SH3GL2: variants seen among roughly 807,000 people sequenced by gnomAD.
SH3GL2 encodes SH3 domain containing GRB2 like 2, endophilin A1.
Under a neutral mutation model 46.0 loss-of-function variants are expected in SH3GL2, and 24 were observed. The observed-to-expected ratio is 0.52, with a 90% CI of 0.38 to 0.73. The LOEUF (loss-of-function observed/expected upper bound fraction) is 0.73, where lower values mean the gene tolerates loss of function less well. SH3GL2 is among the 30% of genes least tolerant of loss of function. The probability of loss-of-function intolerance (pLI) is 0.00; values close to 1 mark genes in which losing one functional copy is unlikely to be tolerated. For missense variants in SH3GL2, 413 were observed against 424.2 expected, an observed-to-expected ratio of 0.97 and a Z score of 0.23; for synonymous variants, 196 against 147.1, an observed-to-expected ratio of 1.33 and a Z score of -2.40.
chr9:17,634,127 A>G lies in SH3GL2; in HGVS notation c.45+54840A>G, dbSNP rs530961244. Among the ~76,000 whole-genome samples the G allele has an allele frequency of 2.0e-5, 3 of 152,260 alleles. No homozygotes were observed. The South Asian group carries it at 6.2e-4, about 32-fold the overall frequency. ...GGAACTTTGGGCTCTTGAAGGGAGT[A>G]TCCTCATCTGTACGGTGGAGACCAC... On this transcript the variant is annotated intron_variant, in intron 1 of 8. Transcript: ENST00000380607.
chr9:17,644,278 G>A (rs9406683), intron 1 of SH3GL2, among the ~76,000 whole-genome samples: 126,246 of 151,878 alleles, frequency 0.83, 54,216 homozygotes, highest in Non-Finnish European at 0.95. Flanking sequence ...AACTCTTTCA[G>A]AAAAACAGCT....
intron 1 of SH3GL2, among the ~76,000 whole-genome samples, chr9:17,635,403 A>G (rs1472683796): frequency 6.6e-6 from 1 of 152,134 alleles, no homozygotes; most frequent in East Asian, 1.9e-4. Flanking sequence ...ATTTAGATTG[A>G]TTCCATGCAA....
chr9:17,609,058 T>A (rs2134577053), intron 1 of SH3GL2, among the ~76,000 whole-genome samples: 1 of 152,316 alleles, frequency 6.6e-6, no homozygotes, highest in Middle Eastern at 3.4e-3. Context: ...GATCCAGAGC[T>A]GATGAAGGCA....
At chr9:17,584,378 C>A (rs997996890) in intron 1 of SH3GL2, among the ~76,000 whole-genome samples, 1 of 152,110 alleles carries the variant, frequency 6.6e-6, no homozygotes, top group Non-Finnish European at 1.5e-5. Flanking sequence ...TGGCAGGTGC[C>A]TGTAATCCCA....
intron 3 of SH3GL2, among the ~76,000 whole-genome samples, chr9:17,765,448 T>C (rs910700701): frequency 1.6e-4 from 25 of 152,246 alleles, no homozygotes; most frequent in African/African-American, 5.8e-4. Flanking sequence ...GTTTAGCTTT[T>C]AAGAATACAT....
chr9:17,779,372 A>T (rs1490923960), intron 3 of SH3GL2, among the ~76,000 whole-genome samples: 1 of 152,168 alleles, frequency 6.6e-6, no homozygotes, highest in Non-Finnish European at 1.5e-5. Flanking sequence ...ATTTGACGGA[A>T]TGGGAAAGAG....
chr9:17,598,192 G>A (rs1453431888), intron 1 of SH3GL2, among the ~76,000 whole-genome samples: 4 of 152,108 alleles, frequency 2.6e-5, no homozygotes, highest in African/African-American at 7.2e-5. Flanking sequence ...ACCAGCTGAC[G>A]TCATTCAAAA....
chr9:17,687,857 A>C (rs1820963386), intron 1 of SH3GL2, among the ~76,000 whole-genome samples: 1 of 152,106 alleles, frequency 6.6e-6, no homozygotes, highest in African/African-American at 2.4e-5. Flanking sequence ...CATACAATTT[A>C]GAAAGTAATT....
chr9:17,597,916 G>A (rs1048311862), intron 1 of SH3GL2, among the ~76,000 whole-genome samples: 5 of 152,052 alleles, frequency 3.3e-5, no homozygotes, highest in South Asian at 2.1e-4. Context: ...CCCATTAACC[G>A]CCAGGCTCTG....
intron 1 of SH3GL2, among the ~76,000 whole-genome samples, chr9:17,632,232 A>C (rs1174945550): frequency 6.6e-6 from 1 of 152,224 alleles, no homozygotes. Flanking sequence ...TACTACAAAG[A>C]AGTTGGTCTT....
At chr9:17,609,468 G>C (rs1488259531) in intron 1 of SH3GL2, among the ~76,000 whole-genome samples, 1 of 152,076 alleles carries the variant, frequency 6.6e-6, no homozygotes, top group African/African-American at 2.4e-5. Flanking sequence ...GAGGCATGAA[G>C]TTGGCCAGAT....
intron 1 of SH3GL2, among the ~76,000 whole-genome samples, chr9:17,706,404 C>G (rs550649122): frequency 6.6e-6 from 1 of 152,206 alleles, no homozygotes; most frequent in African/African-American, 2.4e-5. Context: ...GATGCTAGCA[C>G]CTCTTCATGA....
At chr9:17,713,167 A>G (rs1214250374) in intron 1 of SH3GL2, among the ~76,000 whole-genome samples, 1 of 150,740 alleles carries the variant, frequency 6.6e-6, no homozygotes, top group Non-Finnish European at 1.5e-5. Flanking sequence ...AAATGTGTTG[A>G]TTGATGTTTT....
intron 1 of SH3GL2, among the ~76,000 whole-genome samples, chr9:17,625,391 A>G (rs564333205): frequency 5.9e-5 from 9 of 151,676 alleles, no homozygotes; most frequent in African/African-American, 2.2e-4. Context: ...TTTACAGTCC[A>G]CCTCCTTTCA....
At chr9:17,769,730 C>T (rs142146184) in intron 3 of SH3GL2, among the ~76,000 whole-genome samples, 16 of 152,184 alleles carry the variant, frequency 1.1e-4, no homozygotes, top group Middle Eastern at 3.4e-3. Context: ...GAATTATCTT[C>T]TAATTTATCT....
intron 1 of SH3GL2, among the ~76,000 whole-genome samples, chr9:17,700,430 T>C (rs944622858): frequency 1.3e-5 from 2 of 152,204 alleles, no homozygotes; most frequent in South Asian, 2.1e-4. Flanking sequence ...AGTTGTGAAC[T>C]GAAAAATCTG....
chr9:17,710,330 T>A (rs1271422355), intron 1 of SH3GL2, among the ~76,000 whole-genome samples: 1 of 151,978 alleles, frequency 6.6e-6, no homozygotes, highest in African/African-American at 2.4e-5. Flanking sequence ...TAAACCTCTT[T>A]CCTTTATAAA....
At chr9:17,588,176 A>G (rs1333968658) in intron 1 of SH3GL2, among the ~76,000 whole-genome samples, 28 of 152,112 alleles carry the variant, frequency 1.8e-4, no homozygotes. Context: ...TGCCATCTGT[A>G]ACATATGGTT....
intron 1 of SH3GL2, among the ~76,000 whole-genome samples, chr9:17,645,566 G>C (rs1819794926): frequency 6.6e-6 from 1 of 152,104 alleles, no homozygotes; most frequent in Non-Finnish European, 1.5e-5. Context: ...AGGCAGGCCT[G>C]ATGGTGACAT....
Sources: gnomAD v4.1 joint callset for allele counts (sites outside exome capture counted in the v4.1 genomes callset) on GRCh38, gnomAD v4.1.1 for gene constraint, MANE v1.5 for transcripts, NCBI Gene and HGNC (gene_info 2026-07-23, HGNC 2026-07-21) for gene names.